The following OSBPL8 variants were observed in gnomAD, a reference collection of about 807,000 sequenced individuals.
OSBPL8 encodes the protein oxysterol binding protein like 8, also known as oxysterol-binding protein-related protein 8.
A neutral mutation model predicts 125.5 loss-of-function variants in OSBPL8; 59 were observed. That is an observed-to-expected ratio of 0.47 (90% CI 0.38 to 0.58). The LOEUF (loss-of-function observed/expected upper bound fraction) is 0.58. OSBPL8 is among the 20% of genes least tolerant of loss of function. The probability of loss-of-function intolerance (pLI) is 0.00; values close to 1 mark genes in which losing one functional copy is unlikely to be tolerated. For synonymous variants in OSBPL8, 330 were observed against 338.9 expected (o/e 0.97, Z 0.29); for missense variants, 758 against 1,047.8 (o/e 0.72, Z 3.82).
chr12:76,483,625 T>C (rs73385512), intron 2 of OSBPL8, among the ~76,000 whole-genome samples: 25,294 of 148,982 alleles, frequency 0.17, 2,355 homozygotes, highest in Middle Eastern at 0.24. Flanking sequence ...AGTCAGATTT[T>C]TTTCACAACC....
chr12:76,453,408 A>G (rs1283379211), intron 3 of OSBPL8, among the ~76,000 whole-genome samples: 1 of 152,202 alleles, frequency 6.6e-6, no homozygotes, highest in East Asian at 1.9e-4. Flanking sequence ...AATTGACCTA[A>G]AGAACATAGC....
At chr12:76,393,710 CAAAAAAAAAA>C (rs11423585) in intron 9 of OSBPL8, among the ~76,000 whole-genome samples, 147 of 52,282 alleles carry the variant, frequency 2.8e-3, no homozygotes, top group African/African-American at 7.6e-3. Flanking sequence ...GACTCCGTTT[CAAAAAAAAAA>C]AAAAAAAAAA....
intron 1 of OSBPL8, 135 bp downstream of exon 1, chr12:76,559,262 G>A (rs7303892): frequency 0.53 from 81,076 of 152,696 alleles, 21,985 homozygotes; most frequent in East Asian, 0.72. Flanking sequence ...GGGAACAAAG[G>A]AGCCAAAGAA....
intron 1 of OSBPL8, among the ~76,000 whole-genome samples, chr12:76,533,589 A>G (rs1220935975): frequency 1.3e-5 from 2 of 152,210 alleles, no homozygotes; most frequent in African/African-American, 4.8e-5. Flanking sequence ...CAGCCCTCCA[A>G]AAGCACTTAA....
intron 14 of OSBPL8, among the ~76,000 whole-genome samples, chr12:76,385,723 G>A (rs530989786): frequency 1.3e-5 from 2 of 152,188 alleles, no homozygotes; most frequent in African/African-American, 4.8e-5. Context: ...TGCTAGATCA[G>A]GTTACCTAGT....
intron 12 of OSBPL8, 40 bp downstream of exon 12, chr12:76,389,605 A>T (rs1592584111): frequency 7.1e-7 from 1 of 1,405,040 alleles, no homozygotes; most frequent in South Asian, 1.5e-5. Flanking sequence ...TTCTAAAATC[A>T]TGAAGTATTG....
intron 17 of OSBPL8, among the ~76,000 whole-genome samples, chr12:76,374,508 T>A (rs992924022): frequency 6.6e-6 from 1 of 152,152 alleles, no homozygotes; most frequent in Admixed American, 6.6e-5. Flanking sequence ...TCTTGCTCAC[T>A]GGGGCACTTG....
chr12:76,471,810 A>C (rs1206948605), intron 2 of OSBPL8, among the ~76,000 whole-genome samples: 3 of 152,214 alleles, frequency 2.0e-5, no homozygotes, highest in Non-Finnish European at 4.4e-5. Context: ...TTCTTCAAAC[A>C]TACCATGTTG....
rs924596190 is a variant in OSBPL8, at chr12:76,424,205, T to C, written c.218-13571A>G. Among the ~76,000 whole-genome samples, 11 of 152,170 alleles carry C rather than the reference T, an allele frequency of 7.2e-5. 1 individual carries two copies. Among genetic ancestry groups the C allele is most frequent in the African/African-American group, 2.7e-4 (11 of 41,448 alleles). On this transcript the variant is annotated intron_variant, in intron 4 of 23. Transcript: ENST00000261183. ...TAGTAGAGATGGGGTTTCGCCATGT[T>C]GGGCAGACTGGTCTCAAACTCCTGA...
chr12:76,369,398 T>G (rs1952537207), intron 20 of OSBPL8, 97 bp from the exon 21 acceptor site: 1 of 1,451,708 alleles, frequency 6.9e-7, no homozygotes, highest in Admixed American at 2.8e-5. Context: ...AATAATTATA[T>G]ACATAGTTCT....
At chr12:76,490,909 C>T (rs1026197913) in intron 1 of OSBPL8, among the ~76,000 whole-genome samples, 3 of 152,232 alleles carry the variant, frequency 2.0e-5, no homozygotes, top group Admixed American at 6.5e-5. Flanking sequence ...GCACGGAGTT[C>T]GCTCCTGCCA....
intron 1 of OSBPL8, among the ~76,000 whole-genome samples, chr12:76,524,075 T>C (rs1359004172): frequency 6.6e-6 from 1 of 152,076 alleles, no homozygotes; most frequent in Non-Finnish European, 1.5e-5. Flanking sequence ...AGTACATACA[T>C]AAACAAAGAA....
intron 4 of OSBPL8, among the ~76,000 whole-genome samples, chr12:76,436,025 T>G (rs368246516): frequency 6.6e-6 from 1 of 152,196 alleles, no homozygotes; most frequent in Admixed American, 6.5e-5. Context: ...CAAAGGTAAC[T>G]GGAGTCTTGC....
chr12:76,404,914 T>A (rs1954194335), intron 5 of OSBPL8, among the ~76,000 whole-genome samples: 2 of 152,146 alleles, frequency 1.3e-5, no homozygotes, highest in Non-Finnish European at 2.9e-5. Flanking sequence ...ATCAACTGTA[T>A]ATACGAAATA....
chr12:76,360,262 G>A (rs562499376), intron 21 of OSBPL8, among the ~76,000 whole-genome samples: 1 of 152,356 alleles, frequency 6.6e-6, no homozygotes, highest in South Asian at 2.1e-4. Context: ...ATGCAAGTCT[G>A]AGATCCAGTG....
At chr12:76,530,624 C>T (rs115123551) in intron 1 of OSBPL8, among the ~76,000 whole-genome samples, 347 of 152,124 alleles carry the variant, frequency 2.3e-3, no homozygotes, top group African/African-American at 7.7e-3. Flanking sequence ...TATATTATAT[C>T]CCCAAATAGA....
rs1343642552 is a variant in OSBPL8, at chr12:76,556,339, G to A, written c.-68+3058C>T. On this transcript the variant is annotated intron_variant, in intron 1 of 23. Transcript: ENST00000261183. ...AGGATTTCTTCCCTATAAGGTCTCC[G>A]AAAATAGCTCTCTCCCTTGCAAGCT... is the stretch of plus-strand genomic sequence containing the variant. Among the ~76,000 whole-genome samples the A allele has an allele frequency of 7.2e-5, 11 of 152,116 alleles. No homozygotes were observed. The East Asian group carries it at 7.7e-4, about 11-fold the overall frequency.
chr12:76,389,343 C>G (rs1408780694), intron 12 of OSBPL8, among the ~76,000 whole-genome samples: 1 of 152,218 alleles, frequency 6.6e-6, no homozygotes, highest in African/African-American at 2.4e-5. Context: ...TCACCTCTCT[C>G]TCTCTGTTAG....
At chr12:76,478,059 C>A (rs902820798) in intron 2 of OSBPL8, among the ~76,000 whole-genome samples, 1 of 151,874 alleles carries the variant, frequency 6.6e-6, no homozygotes, top group African/African-American at 2.4e-5. Context: ...CAAAACTTAG[C>A]CAGGCATGGT....
Sources: gnomAD v4.1 joint callset for allele counts (sites outside exome capture counted in the v4.1 genomes callset) on GRCh38, gnomAD v4.1.1 for gene constraint, MANE v1.5 for transcripts, NCBI Gene and HGNC (gene_info 2026-07-23, HGNC 2026-07-21) for gene names.